The following ZFHX3 variants were observed in gnomAD, a reference collection of about 807,000 sequenced individuals.
ZFHX3 encodes zinc finger homeobox protein 3.
In ZFHX3, 42 loss-of-function variants were observed where a neutral mutation model predicts 279.1. That is an observed-to-expected ratio of 0.15 (90% CI 0.12 to 0.19). ZFHX3 has a LOEUF of 0.19. ZFHX3 is among the 10% of genes least tolerant of loss of function. ZFHX3 has a pLI of 1.00. For synonymous variants in ZFHX3, 2,293 were observed against 1,957.8 expected (o/e 1.17, Z -4.52); for missense variants, 4,981 against 4,754.0 (o/e 1.05, Z -1.40).
intron 3 of ZFHX3, among the ~76,000 whole-genome samples, chr16:73,416,708 A>G (rs895980840): frequency 2.0e-5 from 3 of 151,762 alleles, no homozygotes; most frequent in Admixed American, 1.3e-4. Context: ...CCCCGTCTCT[A>G]CTAAAAATAC....
intron 1 of ZFHX3, among the ~76,000 whole-genome samples, chr16:73,008,938 G>A (rs1032172405): frequency 1.4e-5 from 2 of 142,054 alleles, no homozygotes; most frequent in East Asian, 4.0e-4. Flanking sequence ...GTGTGTGTGT[G>A]TATGTGTGTA....
chr16:73,695,596 G>A (rs184259694), intron 1 of ZFHX3, among the ~76,000 whole-genome samples: 2 of 152,184 alleles, frequency 1.3e-5, no homozygotes, highest in East Asian at 1.9e-4. Flanking sequence ...AGGGAGAAAA[G>A]GGTATACGTT....
chr16:73,065,944 C>G (rs1965746231), intron 8 of ZFHX3, among the ~76,000 whole-genome samples: 1 of 152,216 alleles, frequency 6.6e-6, no homozygotes, highest in African/African-American at 2.4e-5. Context: ...GCTCATGACA[C>G]GAAATTTGGA....
chr16:73,041,919 T>C (rs937339319), intron 1 of ZFHX3, among the ~76,000 whole-genome samples: 3 of 152,090 alleles, frequency 2.0e-5, no homozygotes, highest in African/African-American at 2.4e-5. Flanking sequence ...TTAAGAACAA[T>C]TGTTTAAAAA....
chr16:73,091,204 C>G (rs1966076075), intron 8 of ZFHX3, among the ~76,000 whole-genome samples: 2 of 149,106 alleles, frequency 1.3e-5, no homozygotes. Context: ...GAGTGAGACT[C>G]CGTCTCGGAA....
At chr16:73,458,842 T>C (rs1421508799) in intron 2 of ZFHX3, among the ~76,000 whole-genome samples, 1 of 152,252 alleles carries the variant, frequency 6.6e-6, no homozygotes, top group Non-Finnish European at 1.5e-5. Context: ...AATATCATTT[T>C]AACATATCTG....
intron 3 of ZFHX3, among the ~76,000 whole-genome samples, chr16:73,353,330 A>C (rs951710437): frequency 6.6e-6 from 1 of 152,224 alleles, no homozygotes; most frequent in African/African-American, 2.4e-5. Flanking sequence ...ATGAAAACCA[A>C]AGCAAGGACT....
intron 1 of ZFHX3, among the ~76,000 whole-genome samples, chr16:73,751,157 A>C (rs2053758722): frequency 6.6e-6 from 1 of 152,218 alleles, no homozygotes; most frequent in East Asian, 1.9e-4. Flanking sequence ...ATACGGACTG[A>C]GGACCTCTGG....
chr16:73,869,574 T>C (rs1263025066), intron 1 of ZFHX3, among the ~76,000 whole-genome samples: 1 of 152,256 alleles, frequency 6.6e-6, no homozygotes, highest in Non-Finnish European at 1.5e-5. Context: ...AACTTATTTG[T>C]GTATTTGCAT....
intron 1 of ZFHX3, among the ~76,000 whole-genome samples, chr16:73,821,628 G>T (rs944226190): frequency 3.9e-5 from 6 of 152,242 alleles, no homozygotes; most frequent in African/African-American, 1.4e-4. Flanking sequence ...AGCCTACCTA[G>T]GACCTGTGTC....
chr16:73,071,497 C>G (rs996563579), intron 8 of ZFHX3, among the ~76,000 whole-genome samples: 11 of 150,882 alleles, frequency 7.3e-5, no homozygotes, highest in African/African-American at 2.5e-4. Flanking sequence ...CCGCCGCCGC[C>G]GATACTGCTG....
At position 72,957,811 on chromosome 16, in the gene ZFHX3, C is replaced by T; in HGVS notation, c.2335G>A (p.Ala779Thr). ...CTGATATTGGCTGCCGCCGCCGCCG[C>T]AGCCACCGCCGCCGCCGCCGCCCCG... ...TAGAAAAAVA[A>T]AAAAANISSS... The change falls in exon 2 of 10, where the codon GCG becomes ACG. Residue 779 changes from alanine to threonine, a missense_variant. Transcript: ENST00000268489. The T allele has an allele frequency of 6.3e-7, 1 of 1,590,330 alleles. No homozygotes were observed. Among genetic ancestry groups the T allele is most frequent in the East Asian group, 2.2e-5 (1 of 44,498 alleles).
chr16:73,324,521 T>C (rs746962207), intron 3 of ZFHX3, among the ~76,000 whole-genome samples: 1 of 152,156 alleles, frequency 6.6e-6, no homozygotes, highest in Non-Finnish European at 1.5e-5. Context: ...ACTAAGTAAG[T>C]AAAGTGGCCC....
At chr16:73,661,056 A>C (rs1401355292) in intron 2 of ZFHX3, among the ~76,000 whole-genome samples, 2 of 152,354 alleles carry the variant, frequency 1.3e-5, no homozygotes, top group Non-Finnish European at 2.9e-5. Flanking sequence ...CTTAAACTGC[A>C]CATAACACAG....
chr16:73,552,742 T>C (rs1228475591), intron 2 of ZFHX3, among the ~76,000 whole-genome samples: 1 of 152,184 alleles, frequency 6.6e-6, no homozygotes, highest in Non-Finnish European at 1.5e-5. Context: ...AAAAGAACAT[T>C]AGGTACCTGT....
chr16:73,022,026 CT>C (rs1387569804), intron 1 of ZFHX3, among the ~76,000 whole-genome samples: 2 of 152,080 alleles, frequency 1.3e-5, no homozygotes, highest in Non-Finnish European at 2.9e-5. Context: ...TCCACCGAAC[CT>C]GCCAACTACT....
intron 7 of ZFHX3, chr16:73,123,338 C>T (rs914966113): frequency 6.8e-6 from 1 of 147,868 alleles, no homozygotes; most frequent in Non-Finnish European, 1.5e-5. Flanking sequence ...AGAAGCTTGA[C>T]AAGCACTTGC....
At chr16:73,429,505 G>T (rs1476346965) in intron 3 of ZFHX3, among the ~76,000 whole-genome samples, 1 of 151,808 alleles carries the variant, frequency 6.6e-6, no homozygotes, top group Non-Finnish European at 1.5e-5. Context: ...GCTGATTTTT[G>T]GATTTTTAGT....
chr16:72,919,697 C>T (rs994122892), intron 3 of ZFHX3, among the ~76,000 whole-genome samples: 9 of 146,880 alleles, frequency 6.1e-5, no homozygotes, highest in East Asian at 2.1e-4. Context: ...TTTACATAAA[C>T]GCAATGATCT....
Sources: allele counts gnomAD v4.1 joint callset (sites outside exome capture counted in the v4.1 genomes callset), GRCh38; gene constraint gnomAD v4.1.1; transcripts MANE v1.5; gene names NCBI Gene and HGNC (gene_info 2026-07-23, HGNC 2026-07-21).